Variants in NLGN1 observed in about 807,000 individuals in gnomAD.
NLGN1 encodes neuroligin-1.
In NLGN1, 12 loss-of-function variants were observed where a neutral mutation model predicts 65.5. That is an observed-to-expected ratio of 0.18 (90% CI 0.12 to 0.30). The LOEUF (loss-of-function observed/expected upper bound fraction) is 0.30. Among genes scored for constraint, NLGN1 ranks in the 10% least tolerant of loss-of-function variants. The pLI is 1.00. For synonymous variants in NLGN1, 350 were observed against 359.5 expected (o/e 0.97, Z 0.30); for missense variants, 750 against 1,007.1 (o/e 0.74, Z 3.46).
intron 4 of NLGN1, among the ~76,000 whole-genome samples, chr3:174,065,757 C>G (rs1738401897): frequency 6.6e-6 from 1 of 151,962 alleles, no homozygotes; most frequent in African/African-American, 2.4e-5. Context: ...CCCTTGTACT[C>G]TCTCCCTCTC....
intron 4 of NLGN1, among the ~76,000 whole-genome samples, chr3:174,071,838 G>A (rs546825051): frequency 2.6e-4 from 40 of 151,922 alleles, no homozygotes; most frequent in Non-Finnish European, 4.9e-4. Context: ...GACCGAAACC[G>A]TATTCTGTGA....
intron 2 of NLGN1, among the ~76,000 whole-genome samples, chr3:173,476,844 GAAGA>G (rs1726299918): frequency 6.6e-6 from 1 of 152,114 alleles, no homozygotes; most frequent in Non-Finnish European, 1.5e-5. Context: ...ATGTAGAATG[GAAGA>G]AAGATCTACC....
At chr3:173,778,778 A>G (rs1428571336) in intron 3 of NLGN1, among the ~76,000 whole-genome samples, 1 of 151,912 alleles carries the variant, frequency 6.6e-6, no homozygotes, top group Non-Finnish European at 1.5e-5. Context: ...AGTAAATTAA[A>G]TCATTTCATC....
At chr3:173,795,249 C>G (rs530879835) in intron 3 of NLGN1, among the ~76,000 whole-genome samples, 1 of 152,072 alleles carries the variant, frequency 6.6e-6, no homozygotes, top group African/African-American at 2.4e-5. Flanking sequence ...ATCAAGTGTT[C>G]CAAAATTCAC....
intron 4 of NLGN1, among the ~76,000 whole-genome samples, chr3:173,850,545 C>T (rs1456571389): frequency 6.6e-6 from 1 of 152,104 alleles, no homozygotes; most frequent in Non-Finnish European, 1.5e-5. Context: ...ACTCTATCTG[C>T]AATTTAGTGT....
At chr3:173,856,814 C>A (rs1462066235) in intron 4 of NLGN1, among the ~76,000 whole-genome samples, 1 of 151,830 alleles carries the variant, frequency 6.6e-6, no homozygotes, top group Non-Finnish European at 1.5e-5. Context: ...TATCATAAAG[C>A]CAGAAGTTGA....
At chr3:173,764,685 A>T (rs987448715) in intron 3 of NLGN1, among the ~76,000 whole-genome samples, 1 of 152,158 alleles carries the variant, frequency 6.6e-6, no homozygotes, top group Non-Finnish European at 1.5e-5. Context: ...TTGTTGAAGG[A>T]TTCACTCATT....
intron 4 of NLGN1, among the ~76,000 whole-genome samples, chr3:174,227,991 T>G (rs1740034845): frequency 6.6e-6 from 1 of 152,090 alleles, no homozygotes; most frequent in African/African-American, 2.4e-5. Context: ...AATATATAGT[T>G]GTACATATTC....
intron 3 of NLGN1, among the ~76,000 whole-genome samples, chr3:173,691,610 G>A (rs898447337): frequency 1.3e-5 from 2 of 152,000 alleles, no homozygotes; most frequent in African/African-American, 2.4e-5. Flanking sequence ...CAGAGATAAC[G>A]TTTAAGAGTT....
At position 173,516,892 on chromosome 3, in the gene NLGN1, T is replaced by A. The variant is rs945439478; in HGVS notation, c.-321+81814T>A. ...TTGGTAGTAATATGAATAATACAAA[T>A]TGATTAGCTTTATCTACTTCATAGA... On this transcript the variant is annotated intron_variant, in intron 2 of 6. Coordinates refer to ENST00000457714, the Ensembl canonical transcript of NLGN1. Among the ~76,000 whole-genome samples, 25 of 152,066 alleles carry A rather than the reference T, an allele frequency of 1.6e-4. No homozygotes were observed. In the South Asian group the frequency reaches 2.3e-3, roughly 14 times the overall value.
intron 2 of NLGN1, among the ~76,000 whole-genome samples, chr3:173,510,129 C>A (rs1025218664): frequency 6.6e-6 from 1 of 152,140 alleles, no homozygotes; most frequent in African/African-American, 2.4e-5. Flanking sequence ...AAATATCTTC[C>A]AAATTTTGGA....
chr3:173,826,007 C>T (rs189610848), intron 4 of NLGN1, among the ~76,000 whole-genome samples: 3 of 151,412 alleles, frequency 2.0e-5, no homozygotes, highest in East Asian at 3.9e-4. Flanking sequence ...GACATACTAA[C>T]ACAAAAAACT....
intron 4 of NLGN1, among the ~76,000 whole-genome samples, chr3:174,156,140 G>A (rs986413775): frequency 6.6e-6 from 1 of 151,814 alleles, no homozygotes; most frequent in Non-Finnish European, 1.5e-5. Context: ...ATAACATCAC[G>A]CCCTGCTTCT....
chr3:174,014,930 T>C (rs960575991), intron 4 of NLGN1, among the ~76,000 whole-genome samples: 46 of 152,044 alleles, frequency 3.0e-4, no homozygotes, highest in African/African-American at 1.0e-3. Flanking sequence ...AGAAAAGTCA[T>C]TTATTTTCAA....
intron 4 of NLGN1, among the ~76,000 whole-genome samples, chr3:173,892,161 T>A (rs1341768757): frequency 6.6e-6 from 1 of 151,868 alleles, no homozygotes; most frequent in African/African-American, 2.4e-5. Flanking sequence ...AGAAACTTTG[T>A]CACGTATATT....
At chr3:174,233,368 C>A (rs1741088659) in intron 4 of NLGN1, among the ~76,000 whole-genome samples, 1 of 151,938 alleles carries the variant, frequency 6.6e-6, no homozygotes, top group Non-Finnish European at 1.5e-5. Context: ...TGCCTGTAAT[C>A]CCAGCTACTC....
intron 2 of NLGN1, among the ~76,000 whole-genome samples, chr3:173,599,958 C>T (rs1577465736): frequency 6.6e-6 from 1 of 152,010 alleles, no homozygotes; most frequent in African/African-American, 2.4e-5. Context: ...ATAGTAGAGG[C>T]CGTGCAGTGC....
chr3:173,663,042 A>T (rs553322092), intron 3 of NLGN1, among the ~76,000 whole-genome samples: 1 of 152,190 alleles, frequency 6.6e-6, no homozygotes, highest in South Asian at 2.1e-4. Context: ...ATACTTAACT[A>T]TAAATAATTA....
At chr3:173,592,490 A>G (rs565290624) in intron 2 of NLGN1, among the ~76,000 whole-genome samples, 92 of 152,264 alleles carry the variant, frequency 6.0e-4, no homozygotes, top group Admixed American at 1.3e-3. Context: ...GTCTACATGG[A>G]TATCTATGCA....
Sources: allele counts gnomAD v4.1 joint callset (sites outside exome capture counted in the v4.1 genomes callset), GRCh38; gene constraint gnomAD v4.1.1; transcripts MANE v1.5; gene names NCBI Gene and HGNC (gene_info 2026-07-23, HGNC 2026-07-21).